The following FBXL13 variants were observed in gnomAD, a reference collection of about 807,000 sequenced individuals.
FBXL13 encodes F-box and leucine-rich repeat protein 13.
In FBXL13, 67 loss-of-function variants were observed where a neutral mutation model predicts 83.6. That is an observed-to-expected ratio of 0.80 (90% CI 0.66 to 0.98). The LOEUF (loss-of-function observed/expected upper bound fraction) is 0.98, where lower values mean the gene tolerates loss of function less well. Ranked by LOEUF, FBXL13 falls within the 50% of genes least tolerant of loss-of-function variation. The probability of loss-of-function intolerance (pLI) is 0.00; values close to 1 mark genes in which losing one functional copy is unlikely to be tolerated. For missense variants in FBXL13, 822 were observed against 866.5 expected (o/e 0.95, Z 0.64); for synonymous variants, 272 against 299.5 (o/e 0.91, Z 0.95).
chr7:103,028,539 A>AC, intron 4 of FBXL13, 61 bp downstream of exon 5: 1 of 1,235,392 alleles, frequency 8.1e-7, no homozygotes, highest in Non-Finnish European at 1.1e-6. Context: ...CTTAACTGTT[A>AC]GTTTTTTTAT....
intron 2 of FBXL13, 37 bp downstream of exon 3, chr7:103,055,051 A>G (rs1478818418): frequency 1.7e-6 from 2 of 1,154,136 alleles, no homozygotes; most frequent in African/African-American, 3.2e-5. Context: ...CGAAGTTTAA[A>G]ATATATATTT....
chr7:102,822,826 ACTTTGGTAGGCTGAGGCAGGCAGAT>A (rs1798991250), intron 18 of FBXL13, among the ~76,000 whole-genome samples: 1 of 152,200 alleles, frequency 6.6e-6, no homozygotes, highest in African/African-American at 2.4e-5. Flanking sequence ...TGATCCCAGC[ACTTTGGTAGGCTGAGGCAGGCAGAT>A]TGCTTGAACC....
chr7:102,960,537 A>G (rs925657468), intron 8 of FBXL13, among the ~76,000 whole-genome samples: 28 of 151,342 alleles, frequency 1.9e-4, no homozygotes, highest in African/African-American at 6.8e-4. Context: ...ACAAAAAAAG[A>G]GAATTTTAGA....
rs866082362 is a variant in FBXL13, at chr7:102,826,744, T to C, written c.1855-4541A>G. Among the ~76,000 whole-genome samples the C allele has an allele frequency of 7.1e-4, 68 of 95,712 alleles. 1 individual carries two copies. The highest frequency in any genetic ancestry group is 3.3e-3 in the African/African-American group (66 of 19,724). The allele number at this position is 95,712 out of a possible 152,430, so 62.8% of individuals were successfully genotyped here. On this transcript the variant is annotated intron_variant, in intron 18 of 19. Coordinates refer to ENST00000313221, the Ensembl canonical transcript of FBXL13. ...TGTCTCATATATATATATATATATA[T>C]ATATATATATATATATATATATATA...
intron 17 of FBXL13, among the ~76,000 whole-genome samples, chr7:102,844,785 C>T (rs539754635): frequency 2.0e-5 from 3 of 152,274 alleles, no homozygotes; most frequent in East Asian, 1.9e-4. Context: ...AGATGCCAAT[C>T]GCAAGTCCCA....
At chr7:102,991,743 T>C (rs900886310) in intron 6 of FBXL13, among the ~76,000 whole-genome samples, 1 of 152,170 alleles carries the variant, frequency 6.6e-6, no homozygotes, top group Non-Finnish European at 1.5e-5. Flanking sequence ...CTGAAACAGA[T>C]GGTAAACTGC....
chr7:102,993,395 C>T (rs910092927), intron 6 of FBXL13, among the ~76,000 whole-genome samples: 2 of 152,072 alleles, frequency 1.3e-5, no homozygotes, highest in East Asian at 1.9e-4. Flanking sequence ...ATTTTATAAC[C>T]GTTTGCAAGT....
intron 16 of FBXL13, among the ~76,000 whole-genome samples, chr7:102,865,783 A>T (rs1228798417): frequency 6.6e-6 from 1 of 151,686 alleles, no homozygotes; most frequent in Non-Finnish European, 1.5e-5. Context: ...TGACCTCGTG[A>T]TCCGCCTGCC....
chr7:102,923,624 C>T (rs1337960043), intron 10 of FBXL13, among the ~76,000 whole-genome samples: 1 of 150,778 alleles, frequency 6.6e-6, no homozygotes, highest in Non-Finnish European at 1.5e-5. Flanking sequence ...AGTTCAAGAC[C>T]AGCCTGACCA....
intron 18 of FBXL13, among the ~76,000 whole-genome samples, chr7:102,828,662 T>C (rs1243534103): frequency 1.3e-5 from 2 of 152,144 alleles, no homozygotes; most frequent in African/African-American, 4.8e-5. Flanking sequence ...AGACAAAAAA[T>C]AGTGTTTACT....
intron 8 of FBXL13, chr7:102,934,764 A>G (rs1413697096): frequency 2.4e-6 from 3 of 1,241,636 alleles, no homozygotes; most frequent in Non-Finnish European, 3.4e-6. Context: ...CCTACATCCC[A>G]CCATGTCTTG....
intron 6 of FBXL13, chr7:102,973,505 G>T: frequency 1.3e-6 from 1 of 763,374 alleles, no homozygotes. Flanking sequence ...GCCATTTTAG[G>T]CCTTAGCCTG....
intron 1 of FBXL13, among the ~76,000 whole-genome samples, chr7:103,063,740 A>C (rs1164941403): frequency 8.3e-6 from 1 of 120,704 alleles, no homozygotes; most frequent in Admixed American, 9.6e-5. Context: ...TTTTCTGTAG[A>C]GACAGTCTCT....
At chr7:102,930,670 C>A (rs1396233422) in intron 9 of FBXL13, among the ~76,000 whole-genome samples, 1 of 152,154 alleles carries the variant, frequency 6.6e-6, no homozygotes, top group East Asian at 1.9e-4. Flanking sequence ...TGTCAACCTA[C>A]TTCTCTTACT....
intron 6 of FBXL13, among the ~76,000 whole-genome samples, chr7:103,002,794 T>G (rs567101195): frequency 3.3e-5 from 5 of 152,232 alleles, no homozygotes; most frequent in African/African-American, 1.2e-4. Context: ...ACCTCTTTTA[T>G]GGTTATTTCC....
intron 6 of FBXL13, among the ~76,000 whole-genome samples, chr7:102,982,082 C>T (rs1486977452): frequency 6.6e-6 from 1 of 151,938 alleles, no homozygotes; most frequent in Non-Finnish European, 1.5e-5. Context: ...AGTAGCAGTC[C>T]CACTTCTCCT....
intron 9 of FBXL13, among the ~76,000 whole-genome samples, chr7:102,928,475 C>T (rs993471772): frequency 1.3e-5 from 2 of 152,120 alleles, no homozygotes; most frequent in Non-Finnish European, 2.9e-5. Context: ...TCCCAGTCTA[C>T]GTCTCAAAGG....
intron 11 of FBXL13, among the ~76,000 whole-genome samples, chr7:102,891,204 C>A (rs1811496252): frequency 6.6e-6 from 1 of 152,192 alleles, no homozygotes; most frequent in African/African-American, 2.4e-5. Context: ...CGAGGTCCTG[C>A]CAATCCCTCT....
chr7:103,067,125 G>C (rs1378085901), intron 1 of FBXL13, among the ~76,000 whole-genome samples: 1 of 152,030 alleles, frequency 6.6e-6, no homozygotes, highest in East Asian at 1.9e-4. Context: ...GGAAATGTAG[G>C]ACTATGGATA....
Sources: gnomAD v4.1 joint callset for allele counts (sites outside exome capture counted in the v4.1 genomes callset) on GRCh38, gnomAD v4.1.1 for gene constraint, MANE v1.5 for transcripts, NCBI Gene and HGNC (gene_info 2026-07-23, HGNC 2026-07-21) for gene names.